The following SLC9D1 variants were observed in gnomAD, a reference collection of about 807,000 sequenced individuals.
SLC9D1 encodes the protein putative LAG1-interacting protein.
At chr13:113,507,980 T>A in the SLC9D1 span, among the ~76,000 whole-genome samples, 1 of 152,240 alleles carries the variant, frequency 6.6e-6, no homozygotes, top group South Asian at 2.1e-4. Context: ...AACCCACAGA[T>A]TCTGACCTGG....
At chr13:113,549,553 T>TG in the SLC9D1 span, 1 of 1,613,886 alleles carries the variant, frequency 6.2e-7, no homozygotes, top group Non-Finnish European at 8.5e-7. Context: ...TCGGAGATGA[T>TG]GGACCGTGGA....
At chr13:113,546,065 G>T in the SLC9D1 span, among the ~76,000 whole-genome samples, 1 of 152,156 alleles carries the variant, frequency 6.6e-6, no homozygotes, top group East Asian at 1.9e-4. The surrounding 1 kb of genome is among the most constrained non-coding windows in gnomAD (Gnocchi z 7.1). Context: ...GTGTGGCCGC[G>T]ATGTGAGGCC....
chr13:113,500,875 C>T, the SLC9D1 span, among the ~76,000 whole-genome samples: 1 of 152,184 alleles, frequency 6.6e-6, no homozygotes, highest in African/African-American at 2.4e-5. Context: ...GAGTGGGTCC[C>T]AGGAGGGCTG....
the SLC9D1 span, chr13:113,510,319 C>A: frequency 6.2e-7 from 1 of 1,614,174 alleles, no homozygotes; most frequent in Non-Finnish European, 8.5e-7. Context: ...GCATCTCTTG[C>A]GGATCAAACC....
the SLC9D1 span, among the ~76,000 whole-genome samples, chr13:113,516,367 C>T: frequency 1.3e-4 from 20 of 152,174 alleles, no homozygotes; most frequent in African/African-American, 4.1e-4. Context: ...GAGTTCAAGA[C>T]CGTCCTGGCC....
At chr13:113,523,434 A>G in the SLC9D1 span, among the ~76,000 whole-genome samples, 1 of 152,300 alleles carries the variant, frequency 6.6e-6, no homozygotes, top group South Asian at 2.1e-4. Context: ...TCAGATTTAT[A>G]TATACAGAGT....
At chr13:113,501,809 G>C in the SLC9D1 span, 1 of 1,607,474 alleles carries the variant, frequency 6.2e-7, no homozygotes, top group Non-Finnish European at 8.5e-7. Context: ...TACAGCCATA[G>C]GATTGCCTAC....
At chr13:113,499,890 AGCGTTC>A in the SLC9D1 span, 8 of 911,546 alleles carry the variant, frequency 8.8e-6, no homozygotes, top group Non-Finnish European at 1.2e-5. Context: ...TCTTCTGTTT[AGCGTTC>A]ATTCTCCAAA....
chr13:113,518,499 T>C, the SLC9D1 span, among the ~76,000 whole-genome samples: 9 of 152,192 alleles, frequency 5.9e-5, no homozygotes, highest in Non-Finnish European at 1.2e-4. Flanking sequence ...TCAAAGGCTA[T>C]CTCTAAAAAG....
the SLC9D1 span, among the ~76,000 whole-genome samples, chr13:113,539,054 A>G: frequency 1.5e-4 from 23 of 152,374 alleles, no homozygotes; most frequent in Admixed American, 1.4e-3. The surrounding 1 kb of genome is among the most constrained non-coding windows in gnomAD (Gnocchi z 4.8). Context: ...ATGTATCACA[A>G]ATATTTAAAA....
chr13:113,547,107 G>A, the SLC9D1 span: 82 of 584,566 alleles, frequency 1.4e-4, no homozygotes, highest in South Asian at 8.5e-4. Context: ...TCATCCCAGG[G>A]CAGGCTTTTC....
the SLC9D1 span, among the ~76,000 whole-genome samples, chr13:113,548,859 G>A: frequency 2.6e-5 from 4 of 152,298 alleles, no homozygotes; most frequent in South Asian, 2.1e-4. Flanking sequence ...TCGGACTCAC[G>A]GCCTTGTCTC....
At chr13:113,510,281 T>G in the SLC9D1 span, 1 of 1,614,244 alleles carries the variant, frequency 6.2e-7, no homozygotes, top group Non-Finnish European at 8.5e-7. Flanking sequence ...ATGACACTGT[T>G]AATGATTGCA....
the SLC9D1 span, chr13:113,528,958 A>G: frequency 6.6e-6 from 1 of 152,096 alleles, no homozygotes; most frequent in East Asian, 1.9e-4. Context: ...AGCATTTTCC[A>G]CGCACAACCA....
chr13:113,544,346 A>T, the SLC9D1 span, among the ~76,000 whole-genome samples: 1 of 152,182 alleles, frequency 6.6e-6, no homozygotes, highest in Non-Finnish European at 1.5e-5. Context: ...GCGCCGAAGG[A>T]TGGCCCAGAA....
At chr13:113,495,814 T>C in the SLC9D1 span, 14 of 1,613,980 alleles carry the variant, frequency 8.7e-6, 1 homozygote, top group South Asian at 6.6e-5. Context: ...ATTGGAGCAG[T>C]GGAGAAAGAC....
the SLC9D1 span, among the ~76,000 whole-genome samples, chr13:113,544,537 CTT>C: frequency 1.3e-5 from 2 of 152,350 alleles, no homozygotes; most frequent in East Asian, 3.9e-4. Flanking sequence ...CTCATTTACT[CTT>C]TATCAGCAGC....
the SLC9D1 span, chr13:113,491,391 C>T: frequency 1.3e-5 from 2 of 149,136 alleles, no homozygotes; most frequent in Non-Finnish European, 3.0e-5. Flanking sequence ...TCTTCCCTTC[C>T]CAAGGGTCCC....
the SLC9D1 span, among the ~76,000 whole-genome samples, chr13:113,494,194 T>C: frequency 6.6e-6 from 1 of 152,198 alleles, no homozygotes; most frequent in Non-Finnish European, 1.5e-5. Context: ...GGTTAATATT[T>C]TGTTGTTGTT....
Sources: allele counts gnomAD v4.1 joint callset (sites outside exome capture counted in the v4.1 genomes callset), GRCh38; gene constraint gnomAD v4.1.1; non-coding constraint Gnocchi (gnomAD v3.1); transcripts MANE v1.5; gene names NCBI Gene and HGNC (gene_info 2026-07-23, HGNC 2026-07-21).